EPHA4: variants seen among roughly 807,000 people sequenced by gnomAD.
The protein encoded by EPHA4 is EPH receptor A4.
A neutral mutation model predicts 108.3 loss-of-function variants in EPHA4; 19 were observed. That is an observed-to-expected ratio of 0.18 (90% CI 0.12 to 0.26). EPHA4 has a LOEUF of 0.26. Among genes scored for constraint, EPHA4 ranks in the 10% least tolerant of loss-of-function variants. The pLI is 1.00. For missense variants in EPHA4, 917 were observed against 1,254.0 expected, an observed-to-expected ratio of 0.73 and a Z score of 4.06; for synonymous variants, 449 against 455.5, an observed-to-expected ratio of 0.99 and a Z score of 0.18.
intron 3 of EPHA4, among the ~76,000 whole-genome samples, chr2:221,538,320 T>C (rs1693730548): frequency 6.6e-6 from 1 of 152,250 alleles, no homozygotes; most frequent in Non-Finnish European, 1.5e-5. Context: ...AAGTTGTATT[T>C]CATTTTGGAG....
intron 3 of EPHA4, among the ~76,000 whole-genome samples, chr2:221,523,066 A>ACT (rs1559278269): frequency 7.3e-5 from 11 of 150,798 alleles, no homozygotes; most frequent in Non-Finnish European, 1.3e-4. Flanking sequence ...CCCAGCCAAA[A>ACT]GATTTTTTTA....
rs1285640058 is a variant in EPHA4 at position 221,553,385 on chromosome 2, A to G, written c.823+10346T>C. ...GAAACGTGAAGTCTTAAATCAGGGAAGTTCTTAAGGACAAAAGCCCAAGAG... is the reference window on the plus strand; with the variant it reads ...GAAACGTGAAGTCTTAAATCAGGGAGGTTCTTAAGGACAAAAGCCCAAGAG... On this transcript the variant is annotated intron_variant, in intron 3 of 17. Coordinates refer to ENST00000281821, the MANE Select transcript of EPHA4 (RefSeq NM_004438.5). Among the ~76,000 whole-genome samples the G allele has an allele frequency of 5.9e-5, 9 of 152,356 alleles. No individual in the cohort carries two copies. In the South Asian group the frequency reaches 8.3e-4, roughly 14 times the overall value.
chr2:221,491,204 C>T (rs1456246868), intron 4 of EPHA4, among the ~76,000 whole-genome samples: 2 of 152,016 alleles, frequency 1.3e-5, no homozygotes, highest in Non-Finnish European at 2.9e-5. Flanking sequence ...GGCTGAAGTG[C>T]CTTATAAATT....
intron 4 of EPHA4, among the ~76,000 whole-genome samples, chr2:221,493,030 A>C (rs949279554): frequency 2.0e-5 from 3 of 152,220 alleles, no homozygotes; most frequent in African/African-American, 7.2e-5. Context: ...AAATGGCTAG[A>C]GATCAACCAA....
intron 3 of EPHA4, 167 bp from the exon 4 acceptor site, chr2:221,501,339 A>T (rs1692484250): frequency 1.8e-6 from 1 of 552,504 alleles, no homozygotes; most frequent in African/African-American, 1.9e-5. Context: ...TTCATTGAGT[A>T]TAGTCGCTCT....
intron 3 of EPHA4, among the ~76,000 whole-genome samples, chr2:221,541,962 A>T (rs1450538161): frequency 6.6e-6 from 1 of 152,228 alleles, no homozygotes; most frequent in African/African-American, 2.4e-5. Context: ...AATAGAAAAA[A>T]ATCAAAAAAA....
chr2:221,530,607 G>C (rs1693479896), intron 3 of EPHA4, among the ~76,000 whole-genome samples: 1 of 152,196 alleles, frequency 6.6e-6, no homozygotes, highest in Non-Finnish European at 1.5e-5. Context: ...CATCCTTCTT[G>C]GGAGCAGAGA....
At chr2:221,461,825 C>T (rs554314674) in intron 5 of EPHA4, among the ~76,000 whole-genome samples, 6 of 152,192 alleles carry the variant, frequency 3.9e-5, no homozygotes, top group South Asian at 2.1e-4. Context: ...TAAGAGGAGA[C>T]GATTCCTACT....
intron 8 of EPHA4, among the ~76,000 whole-genome samples, chr2:221,447,433 GAAT>G (rs1184351482): frequency 6.6e-6 from 1 of 152,136 alleles, no homozygotes; most frequent in Non-Finnish European, 1.5e-5. Context: ...GAAAAAGAGA[GAAT>G]AACAGAGAAC....
At chr2:221,529,756 C>T (rs1310650566) in intron 3 of EPHA4, among the ~76,000 whole-genome samples, 1 of 152,154 alleles carries the variant, frequency 6.6e-6, no homozygotes, top group African/African-American at 2.4e-5. Context: ...TATGAAGCAC[C>T]AGTCTCCAAC....
At chr2:221,483,428 G>C (rs1284401939) in intron 4 of EPHA4, among the ~76,000 whole-genome samples, 6 of 151,676 alleles carry the variant, frequency 4.0e-5, no homozygotes, top group Admixed American at 3.9e-4. Context: ...ATACTGGTTG[G>C]TTAAAAAATA....
intron 14 of EPHA4, among the ~76,000 whole-genome samples, chr2:221,433,826 A>T (rs1690152362): frequency 6.6e-6 from 1 of 152,160 alleles, no homozygotes; most frequent in Admixed American, 6.5e-5. Flanking sequence ...GCATTTTCTT[A>T]AAAGTCAAAG....
chr2:221,433,746 A>G (rs917672121), intron 14 of EPHA4, among the ~76,000 whole-genome samples: 48 of 152,168 alleles, frequency 3.2e-4, no homozygotes, highest in Admixed American at 3.3e-4. Flanking sequence ...TAAAATATTC[A>G]CTAGTTTTCT....
chr2:221,504,876 GT>G (rs1369814590), intron 3 of EPHA4, among the ~76,000 whole-genome samples: 2 of 152,158 alleles, frequency 1.3e-5, no homozygotes, highest in Non-Finnish European at 1.5e-5. Context: ...CAGTGCTTAT[GT>G]TTTTCTAAAA....
intron 4 of EPHA4, among the ~76,000 whole-genome samples, chr2:221,494,843 A>G (rs1461380791): frequency 1.3e-5 from 2 of 152,114 alleles, no homozygotes; most frequent in Non-Finnish European, 2.9e-5. Flanking sequence ...GAAGGGAAAG[A>G]GCTAGTCATT....
intron 3 of EPHA4, chr2:221,532,824 T>A (rs1693559304): frequency 6.6e-6 from 1 of 152,526 alleles, no homozygotes; most frequent in African/African-American, 2.4e-5. Context: ...ACTTCTCACA[T>A]AGCCTAGCCC....
At position 221,426,097 on chromosome 2, in the gene EPHA4, C is replaced by G; in HGVS notation, c.2892G>C (p.Lys964Asn). Residue 964 changes from lysine to asparagine, a missense_variant, in exon 17 of 18, where the codon AAG becomes AAC. By Grantham distance (94) the Lys-to-Asn change is moderately conservative. Around this residue, in one of 3 missense-constraint regions of EPHA4, gnomAD observed 26 missense variants for 44.4 expected, o/e 0.59. Transcript: ENST00000281821. ...IGITAITHQN[K>N]ILSSVQAMRT... ...GCATTGCCTGGACACTGCTCAAAAT[C>G]TTATTCTGGTGCGTGATGGCTGTGA... 2.5e-6 allele frequency: 4 copies of G among 1,614,110 alleles called. No homozygotes were observed. Among genetic ancestry groups the G allele is most frequent in the Non-Finnish European group, 3.4e-6 (4 of 1,180,012 alleles).
At chr2:221,424,039 A>T (rs967149205) in intron 17 of EPHA4, among the ~76,000 whole-genome samples, 1 of 152,032 alleles carries the variant, frequency 6.6e-6, no homozygotes, top group African/African-American at 2.4e-5. Context: ...GCTTGAGCCC[A>T]GGAGGCCAAG....
At chr2:221,449,114 G>T (rs1690688917) in intron 8 of EPHA4, among the ~76,000 whole-genome samples, 1 of 152,012 alleles carries the variant, frequency 6.6e-6, no homozygotes. Flanking sequence ...CCTTAAGACT[G>T]CAGGAAATGG....
Sources: allele counts gnomAD v4.1 joint callset (sites outside exome capture counted in the v4.1 genomes callset), GRCh38; gene constraint gnomAD v4.1.1; regional missense constraint gnomAD v4.1.1; transcripts MANE v1.5; gene names NCBI Gene and HGNC (gene_info 2026-07-23, HGNC 2026-07-21).